Variants in ERC2 observed in about 807,000 individuals in gnomAD.
The protein encoded by ERC2 is ELKS/RAB6-interacting/CAST family member 2, also known as ERC protein 2.
In ERC2, 42 loss-of-function variants were observed where a neutral mutation model predicts 114.8. The ratio of observed to expected loss-of-function variants is 0.37; its 90% confidence interval spans 0.29 to 0.47. The LOEUF (loss-of-function observed/expected upper bound fraction) is 0.47. Ranked by LOEUF, ERC2 falls within the 20% of genes least tolerant of loss-of-function variation. ERC2 has a pLI of 0.99. For missense variants in ERC2, 939 were observed against 1,150.7 expected (o/e 0.82, Z 2.66); for synonymous variants, 454 against 425.5 (o/e 1.07, Z -0.82).
intron 14 of ERC2, among the ~76,000 whole-genome samples, chr3:55,803,390 A>T (rs1322557558): frequency 1.3e-5 from 2 of 152,188 alleles, no homozygotes; most frequent in Non-Finnish European, 2.9e-5. Context: ...TACTGGGAAG[A>T]ACATTAATGA....
At chr3:56,281,482 C>T (rs1011248253) in intron 3 of ERC2, among the ~76,000 whole-genome samples, 2 of 148,876 alleles carry the variant, frequency 1.3e-5, no homozygotes, top group Non-Finnish European at 3.0e-5. Context: ...ATTATCTCTG[C>T]TTACAATTTG....
At chr3:56,449,126 T>C (rs1363908796) in intron 1 of ERC2, among the ~76,000 whole-genome samples, 1 of 151,428 alleles carries the variant, frequency 6.6e-6, no homozygotes, top group African/African-American at 2.4e-5. Context: ...GGTAGTAGTT[T>C]GCTGACACCT....
intron 3 of ERC2, among the ~76,000 whole-genome samples, chr3:56,178,785 G>C (rs575441108): frequency 6.6e-6 from 1 of 151,904 alleles, no homozygotes; most frequent in Admixed American, 6.6e-5. Context: ...GGAGGAAAAG[G>C]CACGATAATT....
At chr3:56,344,321 C>T (rs901743805) in intron 2 of ERC2, among the ~76,000 whole-genome samples, 15 of 152,060 alleles carry the variant, frequency 9.9e-5, no homozygotes, top group Non-Finnish European at 2.1e-4. Flanking sequence ...CACCTTCCCT[C>T]CTCCTCCTCC....
chr3:55,541,206 T>C lies in ERC2; in HGVS notation c.*40-29930A>G, dbSNP rs2054372217. ...AAAACATCAACCTCCCAGACCACCA[T>C]CTGTTATGCAAGCTACATGCAATGT... On this transcript the variant is annotated intron_variant, in intron 17 of 17. Coordinates refer to ENST00000288221, the MANE Select transcript of ERC2 (RefSeq NM_015576.3). Among the ~76,000 whole-genome samples, 2 of 152,160 alleles carry C rather than the reference T, an allele frequency of 1.3e-5. 1 individual carries two copies. Among genetic ancestry groups the C allele is most frequent in the South Asian group, 4.1e-4 (2 of 4,830 alleles).
chr3:55,780,436 C>T (rs2068946388), intron 14 of ERC2, among the ~76,000 whole-genome samples: 1 of 152,012 alleles, frequency 6.6e-6, no homozygotes, highest in Non-Finnish European at 1.5e-5. Context: ...AAAAAGTTTC[C>T]ATTCATAATA....
At chr3:55,776,257 ATCTCAAGAAGC>A (rs1173837924) in intron 14 of ERC2, among the ~76,000 whole-genome samples, 37 of 152,160 alleles carry the variant, frequency 2.4e-4, no homozygotes, top group Admixed American at 2.1e-3. Flanking sequence ...GGTCCTGGAA[ATCTCAAGAAGC>A]GGGTCTGTCT....
At chr3:56,100,963 G>A (rs1206676074) in intron 6 of ERC2, among the ~76,000 whole-genome samples, 1 of 152,124 alleles carries the variant, frequency 6.6e-6, no homozygotes, top group African/African-American at 2.4e-5. Context: ...CAGAAATTCA[G>A]GGGATAATCA....
chr3:55,880,533 T>A (rs1349214462), intron 14 of ERC2, among the ~76,000 whole-genome samples: 1 of 152,100 alleles, frequency 6.6e-6, no homozygotes, highest in East Asian at 1.9e-4. Context: ...TTTGAATGAG[T>A]CATTTTTTGT....
intron 8 of ERC2, among the ~76,000 whole-genome samples, chr3:56,014,318 C>A (rs2073160292): frequency 6.6e-6 from 1 of 152,126 alleles, no homozygotes; most frequent in African/African-American, 2.4e-5. Context: ...CCTCCCTGGC[C>A]CTTCTAGTCG....
chr3:55,749,388 G>C (rs2066519372), intron 14 of ERC2, among the ~76,000 whole-genome samples: 2 of 152,286 alleles, frequency 1.3e-5, no homozygotes, highest in South Asian at 4.1e-4. Flanking sequence ...CATAAGGCAG[G>C]GGTCAAGGAA....
chr3:55,911,800 T>C (rs2064829138), intron 13 of ERC2, among the ~76,000 whole-genome samples: 1 of 152,214 alleles, frequency 6.6e-6, no homozygotes, highest in African/African-American at 2.4e-5. Flanking sequence ...GTAGCAAATA[T>C]CATAAGTCAT....
intron 2 of ERC2, among the ~76,000 whole-genome samples, chr3:56,362,455 CCAG>C (rs2058994630): frequency 1.3e-5 from 2 of 152,178 alleles, no homozygotes; most frequent in Admixed American, 1.3e-4. Context: ...CTCAGATAAA[CCAG>C]CCCCTTCTTT....
At chr3:56,249,370 G>GGCT (rs2051953907) in intron 3 of ERC2, among the ~76,000 whole-genome samples, 1 of 151,720 alleles carries the variant, frequency 6.6e-6, no homozygotes, top group Admixed American at 6.6e-5. Flanking sequence ...CTGTCATCCA[G>GGCT]GCTGGAGTGC....
chr3:55,807,861 T>C (rs553613588), intron 14 of ERC2, among the ~76,000 whole-genome samples: 1 of 152,288 alleles, frequency 6.6e-6, no homozygotes, highest in East Asian at 1.9e-4. Flanking sequence ...TAGACTGTCC[T>C]TGGAACCCAA....
At chr3:55,743,104 C>A (rs1396032658) in intron 14 of ERC2, among the ~76,000 whole-genome samples, 1 of 152,208 alleles carries the variant, frequency 6.6e-6, no homozygotes, top group Non-Finnish European at 1.5e-5. Context: ...TAGTTTACTC[C>A]AATTACGGAG....
intron 7 of ERC2, among the ~76,000 whole-genome samples, chr3:56,024,116 A>C (rs1424175137): frequency 6.6e-6 from 1 of 152,222 alleles, no homozygotes; most frequent in African/African-American, 2.4e-5. Context: ...GTATCAGTTA[A>C]TGTTATTAGC....
intron 3 of ERC2, among the ~76,000 whole-genome samples, chr3:56,203,948 G>C (rs904931900): frequency 6.6e-6 from 1 of 152,160 alleles, no homozygotes; most frequent in Non-Finnish European, 1.5e-5. Context: ...TTGGGAGGCC[G>C]AGGCAGGTGA....
chr3:56,390,682 G>A (rs907612526), intron 2 of ERC2, among the ~76,000 whole-genome samples: 2 of 152,176 alleles, frequency 1.3e-5, no homozygotes, highest in African/African-American at 4.8e-5. Context: ...GTAGCAAGAA[G>A]ATTCTTAAGT....
Sources: allele counts gnomAD v4.1 joint callset (sites outside exome capture counted in the v4.1 genomes callset), GRCh38; gene constraint gnomAD v4.1.1; transcripts MANE v1.5; gene names NCBI Gene and HGNC (gene_info 2026-07-23, HGNC 2026-07-21).